The following RNF17 variants were observed in gnomAD, a reference collection of about 807,000 sequenced individuals.
The protein encoded by RNF17 is ring finger protein 17.
In RNF17, 31 loss-of-function variants were observed where a neutral mutation model predicts 200.5. That is an observed-to-expected ratio of 0.15 (90% confidence interval 0.12 to 0.21). The LOEUF (loss-of-function observed/expected upper bound fraction) is 0.21. RNF17 is among the 10% of genes least tolerant of loss of function. The pLI, the probability that RNF17 is intolerant of heterozygous loss-of-function variation, is 1.00. For missense variants in RNF17, 1,628 were observed against 1,905.1 expected (o/e 0.85, Z 2.71); for synonymous variants, 606 against 637.8 (o/e 0.95, Z 0.75).
chr13:24,849,722 A>T (rs908928393), intron 22 of RNF17, among the ~76,000 whole-genome samples: 1 of 152,248 alleles, frequency 6.6e-6, no homozygotes, highest in African/African-American at 2.4e-5. Context: ...AATTTTAGTC[A>T]TTTAAAACTG....
chr13:24,876,710 T>A (rs1894893374), intron 33 of RNF17, among the ~76,000 whole-genome samples: 1 of 152,106 alleles, frequency 6.6e-6, no homozygotes, highest in Admixed American at 6.5e-5. Flanking sequence ...TGTTGGTCAT[T>A]TGTAGATCTT....
At chr13:24,861,083 T>C (rs1458614052) in intron 26 of RNF17, among the ~76,000 whole-genome samples, 185 bp from the exon 27 acceptor site, 1 of 152,038 alleles carries the variant, frequency 6.6e-6, no homozygotes, top group Non-Finnish European at 1.5e-5. Flanking sequence ...CTTGCCGTGT[T>C]CCCAAGGCTG....
At chr13:24,759,040 A>G in the RNF17 span, among the ~76,000 whole-genome samples, 2 of 140,296 alleles carry the variant, frequency 1.4e-5, no homozygotes, top group South Asian at 4.8e-4. Flanking sequence ...AGATCGTGCC[A>G]CTGCACTCCA....
At chr13:24,856,626 A>G (rs1021156888) in intron 25 of RNF17, among the ~76,000 whole-genome samples, 6 of 152,172 alleles carry the variant, frequency 3.9e-5, no homozygotes, top group African/African-American at 1.4e-4. Flanking sequence ...TATACTCCAC[A>G]CATTCCCCAC....
chr13:24,869,981 G>A lies in RNF17; in HGVS notation c.4279-590G>A, dbSNP rs1037202615. Among the ~76,000 whole-genome samples, 5 of 125,082 alleles carry A rather than the reference G, an allele frequency of 4.0e-5. No homozygotes were observed. The East Asian group carries it at 7.4e-4, about 18-fold the overall frequency. 82.1% of individuals were successfully genotyped at this position (125,082 alleles called of 152,430 possible). A position where few individuals can be genotyped will look rare whatever the true frequency, so the allele number is the denominator to read the frequency against. ...TTTTGAGACGGAGTCTCGCTCTGTC[G>A]CCCAGGCTGGAGTGCAGTGGTGCAA... is the stretch of plus-strand genomic sequence containing the variant. On this transcript the variant is annotated intron_variant, in intron 31 of 35. Transcript: ENST00000255324.
chr13:24,877,470 CTT>C (rs1395382292), intron 34 of RNF17, among the ~76,000 whole-genome samples: 1 of 151,938 alleles, frequency 6.6e-6, no homozygotes, highest in Non-Finnish European at 1.5e-5. Context: ...CCATAATTAA[CTT>C]ATAATGGGGA....
chr13:24,775,728 TAATATCTTTTTAAATACACCCAGCCAGAG>T (rs1881473449), intron 3 of RNF17, among the ~76,000 whole-genome samples: 1 of 152,194 alleles, frequency 6.6e-6, no homozygotes, highest in Non-Finnish European at 1.5e-5. Context: ...TTTGAATTAG[TAATATCTTTTTAAATACACCCAGCCAGAG>T]ATGAGTATCT....
intron 18 of RNF17, among the ~76,000 whole-genome samples, chr13:24,840,135 C>T (rs1890452108): frequency 6.6e-6 from 1 of 152,128 alleles, no homozygotes; most frequent in Admixed American, 6.5e-5. Flanking sequence ...TGCTCAACAT[C>T]ACTAATCATC....
chr13:24,763,071 A>C (rs1407749982), upstream of RNF17, among the ~76,000 whole-genome samples: 3 of 152,022 alleles, frequency 2.0e-5, no homozygotes, highest in Non-Finnish European at 4.4e-5. Context: ...TACTCCTGTA[A>C]GTACTACCTA....
chr13:24,784,528 T>C (rs1415885397), intron 6 of RNF17, among the ~76,000 whole-genome samples: 1 of 152,218 alleles, frequency 6.6e-6, no homozygotes, highest in African/African-American at 2.4e-5. Context: ...TAGTCATGTC[T>C]GTACAGATTT....
chr13:24,853,270 C>T (rs181632295), intron 24 of RNF17, among the ~76,000 whole-genome samples: 56 of 152,172 alleles, frequency 3.7e-4, no homozygotes, highest in Non-Finnish European at 6.9e-4. Flanking sequence ...GCTATAATTC[C>T]GCTAAAACAC....
At chr13:24,776,340 G>T (rs552313392) in intron 3 of RNF17, among the ~76,000 whole-genome samples, 34 of 152,216 alleles carry the variant, frequency 2.2e-4, no homozygotes, top group South Asian at 1.0e-3. Context: ...AGAATTCCTG[G>T]CACTTCACAT....
intron 34 of RNF17, among the ~76,000 whole-genome samples, chr13:24,878,950 A>G (rs1382507134): frequency 6.6e-6 from 1 of 152,164 alleles, no homozygotes; most frequent in African/African-American, 2.4e-5. Flanking sequence ...GGTGGTGACA[A>G]AGCCCACTGG....
chr13:24,825,663 A>G lies in RNF17; in HGVS notation c.2136A>G (p.Glu712=), dbSNP rs892239962. The G allele has an allele frequency of 6.2e-7, 1 of 1,606,260 alleles. No individual in the cohort carries two copies. Among genetic ancestry groups the G allele is most frequent in the Non-Finnish European group, 8.5e-7 (1 of 1,173,008 alleles). ...TATTTCTATTAAAGACAATCGAGGA[A>G]TTCTATAAAAGTGAAGATGGAGAAA... ...DILFLLKTIE[E]FYKSEDGENL... The change falls in exon 16 of 36, where the codon GAA becomes GAG. Residue 712 remains glutamate, a synonymous_variant. Coordinates refer to ENST00000255324, the MANE Select transcript of RNF17 (RefSeq NM_031277.3).
intron 6 of RNF17, among the ~76,000 whole-genome samples, chr13:24,783,088 A>T (rs1008154293): frequency 2.6e-5 from 4 of 152,140 alleles, no homozygotes; most frequent in African/African-American, 9.7e-5. Context: ...TAAGGTAAGG[A>T]TCCAACTTCA....
At chr13:24,819,316 T>C (rs553588385) in intron 15 of RNF17, among the ~76,000 whole-genome samples, 1 of 152,186 alleles carries the variant, frequency 6.6e-6, no homozygotes. Flanking sequence ...ATTTTACTTA[T>C]AATAATGTCC....
chr13:24,885,675 T>G, the RNF17 span: 1 of 1,607,646 alleles, frequency 6.2e-7, no homozygotes, highest in Non-Finnish European at 8.5e-7. Flanking sequence ...GATTGCCTAT[T>G]AGAATAAAAT....
intron 25 of RNF17, among the ~76,000 whole-genome samples, chr13:24,856,040 G>T (rs954323968): frequency 6.6e-6 from 1 of 152,064 alleles, no homozygotes; most frequent in Non-Finnish European, 1.5e-5. Context: ...TGTCTTTTCA[G>T]TGTCTTTTGG....
At chr13:24,849,992 C>T (rs1204633832) in intron 22 of RNF17, among the ~76,000 whole-genome samples, 1 of 152,072 alleles carries the variant, frequency 6.6e-6, no homozygotes, top group Non-Finnish European at 1.5e-5. Context: ...CATTCCTGTT[C>T]TCTTGGAGTT....
Sources: allele counts gnomAD v4.1 joint callset (sites outside exome capture counted in the v4.1 genomes callset), GRCh38; gene constraint gnomAD v4.1.1; transcripts MANE v1.5; gene names NCBI Gene and HGNC (gene_info 2026-07-23, HGNC 2026-07-21).